The following CHD9NB variants were observed in gnomAD, a reference collection of about 807,000 sequenced individuals.
CHD9NB encodes CHD9 neighbor.
At chr16:53,044,096 CTCT>C in the CHD9NB span, 8 of 398,692 alleles carry the variant, frequency 2.0e-5, no homozygotes, top group Non-Finnish European at 3.5e-5. Context: ...TTCCCTCGCG[CTCT>C]TCTTCAAGCT....
At chr16:53,052,607 A>G in the CHD9NB span, among the ~76,000 whole-genome samples, 1 of 152,224 alleles carries the variant, frequency 6.6e-6, no homozygotes, top group Non-Finnish European at 1.5e-5. Flanking sequence ...TGATGCCAGA[A>G]TCCAGAGGTT....
At chr16:53,045,133 C>T in the CHD9NB span, among the ~76,000 whole-genome samples, 3 of 151,626 alleles carry the variant, frequency 2.0e-5, no homozygotes, top group African/African-American at 4.8e-5. Flanking sequence ...GTAGAGGTGC[C>T]GGGAGTTGGA....
chr16:53,048,893 A>T, the CHD9NB span, among the ~76,000 whole-genome samples: 1 of 152,218 alleles, frequency 6.6e-6, no homozygotes, highest in Admixed American at 6.5e-5. Context: ...GCTTGAAACT[A>T]GTAGGTATAT....
At chr16:53,038,594 G>T in the CHD9NB span, among the ~76,000 whole-genome samples, 1 of 152,086 alleles carries the variant, frequency 6.6e-6, no homozygotes, top group Middle Eastern at 3.2e-3. Context: ...CAAGTGATCC[G>T]CCCACCTCGG....
At chr16:53,048,556 C>A in the CHD9NB span, among the ~76,000 whole-genome samples, 14 of 152,382 alleles carry the variant, frequency 9.2e-5, no homozygotes, top group South Asian at 6.2e-4. Context: ...TTCTCTCTCT[C>A]CTGCTTCTCA....
At chr16:53,050,814 G>A in the CHD9NB span, among the ~76,000 whole-genome samples, 1 of 151,868 alleles carries the variant, frequency 6.6e-6, no homozygotes, top group African/African-American at 2.4e-5. Context: ...TTCTGCTGGG[G>A]ACCTGACACC....
the CHD9NB span, among the ~76,000 whole-genome samples, chr16:53,046,327 G>C: frequency 6.6e-6 from 1 of 152,048 alleles, no homozygotes; most frequent in African/African-American, 2.4e-5. Context: ...GACCAGTTTA[G>C]AGGCAAGGTC....
chr16:53,048,764 A>G, the CHD9NB span, among the ~76,000 whole-genome samples: 2 of 152,228 alleles, frequency 1.3e-5, no homozygotes, highest in Admixed American at 1.3e-4. Context: ...CTATGACTAT[A>G]GGTCAGGAGA....
the CHD9NB span, among the ~76,000 whole-genome samples, chr16:53,046,892 A>G: frequency 6.6e-6 from 1 of 151,952 alleles, no homozygotes; most frequent in African/African-American, 2.4e-5. Flanking sequence ...TCCATACCCA[A>G]CCTCTTCCTC....
the CHD9NB span, among the ~76,000 whole-genome samples, chr16:53,052,197 A>T: frequency 7.7e-5 from 9 of 117,146 alleles, no homozygotes; most frequent in Non-Finnish European, 3.4e-5. Flanking sequence ...TGAGCAACAT[A>T]AAAAAAAAAA....
At chr16:53,039,578 C>T in the CHD9NB span, among the ~76,000 whole-genome samples, 1 of 152,090 alleles carries the variant, frequency 6.6e-6, no homozygotes, top group African/African-American at 2.4e-5. Context: ...AACCCCGTCT[C>T]TACTAAAAAT....
chr16:53,047,678 T>C, the CHD9NB span, among the ~76,000 whole-genome samples: 196 of 152,304 alleles, frequency 1.3e-3, no homozygotes, highest in African/African-American at 4.3e-3. Context: ...TATAGTCACA[T>C]TGGAGTTCAG....
the CHD9NB span, among the ~76,000 whole-genome samples, chr16:53,049,718 T>C: frequency 6.6e-6 from 1 of 152,094 alleles, no homozygotes; most frequent in African/African-American, 2.4e-5. Flanking sequence ...ATAAAATCCC[T>C]TCCCAAGAGT....
At chr16:53,040,969 A>G in the CHD9NB span, among the ~76,000 whole-genome samples, 1 of 152,162 alleles carries the variant, frequency 6.6e-6, no homozygotes, top group African/African-American at 2.4e-5. Context: ...AGATGGAAGG[A>G]CTGATGAACA....
chr16:53,048,450 T>G, the CHD9NB span, among the ~76,000 whole-genome samples: 1 of 152,092 alleles, frequency 6.6e-6, no homozygotes, highest in Non-Finnish European at 1.5e-5. Flanking sequence ...ATAAAAATTT[T>G]TAAAGATCAA....
the CHD9NB span, among the ~76,000 whole-genome samples, chr16:53,040,040 A>T: frequency 2.0e-5 from 3 of 152,070 alleles, no homozygotes; most frequent in South Asian, 2.1e-4. Context: ...TCAAGCTCTC[A>T]GTATAAAATA....
At chr16:53,043,841 A>G in the CHD9NB span, 1 of 396,382 alleles carries the variant, frequency 2.5e-6, no homozygotes, top group Non-Finnish European at 4.4e-6. Context: ...TCCAATGAGC[A>G]AAGGCTGCTA....
At chr16:53,044,065 C>T in the CHD9NB span, 20 of 398,680 alleles carry the variant, frequency 5.0e-5, no homozygotes, top group South Asian at 1.3e-4. Context: ...GCCTGGGTGC[C>T]GGTCTCCAGA....
chr16:53,039,344 A>C, the CHD9NB span, among the ~76,000 whole-genome samples: 1 of 152,042 alleles, frequency 6.6e-6, no homozygotes, highest in South Asian at 2.1e-4. Flanking sequence ...CTGTGGCTTC[A>C]TTCTCAAGCA....
Sources: allele counts gnomAD v4.1 joint callset (sites outside exome capture counted in the v4.1 genomes callset), GRCh38; gene constraint gnomAD v4.1.1; transcripts MANE v1.5; gene names NCBI Gene and HGNC (gene_info 2026-07-23, HGNC 2026-07-21).